RASAL2: variants seen among roughly 807,000 people sequenced by gnomAD.
The protein encoded by RASAL2 is ras GTPase-activating protein nGAP.
A neutral mutation model predicts 128.9 loss-of-function variants in RASAL2; 58 were observed. That is an observed-to-expected ratio of 0.45 (90% CI 0.36 to 0.56). The LOEUF (loss-of-function observed/expected upper bound fraction) is 0.56. RASAL2 is among the 20% of genes least tolerant of loss of function. The pLI is 0.00. For synonymous variants in RASAL2, 561 were observed against 580.8 expected (o/e 0.97, Z 0.49); for missense variants, 1,360 against 1,601.6 (o/e 0.85, Z 2.57).
chr1:178,340,435 C>T (rs1669811231), intron 3 of RASAL2, among the ~76,000 whole-genome samples: 1 of 151,756 alleles, frequency 6.6e-6, no homozygotes, highest in African/African-American at 2.4e-5. Context: ...GTTGACTTGC[C>T]TTTTTATTGG....
At chr1:178,242,238 T>G (rs1053053821) in intron 1 of RASAL2, among the ~76,000 whole-genome samples, 3 of 151,912 alleles carry the variant, frequency 2.0e-5, no homozygotes, top group African/African-American at 7.2e-5. Flanking sequence ...GTGTTCTAAT[T>G]ATTGCTTCAA....
chr1:178,310,261 TAAATC>T (rs1450699938), intron 3 of RASAL2, among the ~76,000 whole-genome samples: 1 of 152,168 alleles, frequency 6.6e-6, no homozygotes, highest in African/African-American at 2.4e-5. Flanking sequence ...TTACCTAAAA[TAAATC>T]AATTGCAGTA....
intron 1 of RASAL2, among the ~76,000 whole-genome samples, chr1:178,275,969 C>T (rs1182716621): frequency 6.6e-6 from 1 of 152,142 alleles, no homozygotes; most frequent in African/African-American, 2.4e-5. Flanking sequence ...GTTGTGGTCT[C>T]ATAGTAAATT....
Position 178,260,209 on chromosome 1 carries a change from C to T in RASAL2, c.203-23355C>T, listed in dbSNP as rs552545285. The stretch of plus-strand genomic sequence containing the variant: ...CTACTAAAAATACAAAAAAATTAGC[C>T]GGGCGTGGTGGCTGGCGCCTGTAAT... On this transcript the variant is annotated intron_variant, in intron 1 of 17. Transcript: ENST00000367649. Among the ~76,000 whole-genome samples the T allele has an allele frequency of 6.0e-5, 9 of 149,458 alleles. No homozygotes were observed. In the South Asian group the frequency reaches 8.6e-4, roughly 14 times the overall value.
At chr1:178,321,593 C>G (rs1668784365) in intron 3 of RASAL2, among the ~76,000 whole-genome samples, 1 of 151,900 alleles carries the variant, frequency 6.6e-6, no homozygotes, top group Non-Finnish European at 1.5e-5. Flanking sequence ...CTCACTGCAG[C>G]CTTGACCTCC....
At chr1:178,111,370 A>C (rs377193288) in intron 1 of RASAL2, among the ~76,000 whole-genome samples, 1 of 152,268 alleles carries the variant, frequency 6.6e-6, no homozygotes, top group South Asian at 2.1e-4. Context: ...TGGCCTCCCA[A>C]AGTGCTAGGA....
At chr1:178,371,359 C>CACAAAT (rs1223747828) in intron 3 of RASAL2, among the ~76,000 whole-genome samples, 6 of 148,058 alleles carry the variant, frequency 4.1e-5, no homozygotes, top group African/African-American at 1.6e-4. Context: ...CACAAATACA[C>CACAAAT]ACACACACAC....
At chr1:178,161,309 A>G (rs1661285569) in intron 1 of RASAL2, among the ~76,000 whole-genome samples, 1 of 152,024 alleles carries the variant, frequency 6.6e-6, no homozygotes, top group African/African-American at 2.4e-5. Flanking sequence ...GCAACCACTA[A>G]TTTACTTTCT....
chr1:178,469,443 G>C (rs917276893), intron 17 of RASAL2, among the ~76,000 whole-genome samples: 3 of 152,170 alleles, frequency 2.0e-5, no homozygotes, highest in Admixed American at 1.3e-4. Flanking sequence ...AGGTGACTGG[G>C]TATAAAGCAG....
At chr1:178,402,312 G>A (rs1400936354) in intron 4 of RASAL2, among the ~76,000 whole-genome samples, 1 of 152,030 alleles carries the variant, frequency 6.6e-6, no homozygotes, top group Admixed American at 6.6e-5. Flanking sequence ...AGCTACTCGG[G>A]AGGATCACTT....
chr1:178,213,652 A>G (rs995088487), intron 1 of RASAL2, among the ~76,000 whole-genome samples: 6 of 151,488 alleles, frequency 4.0e-5, no homozygotes, highest in Non-Finnish European at 8.8e-5. Flanking sequence ...TTATTTATAT[A>G]TAATAAATTT....
At chr1:178,150,433 G>A (rs139069420) in intron 1 of RASAL2, among the ~76,000 whole-genome samples, 9,608 of 152,072 alleles carry the variant, frequency 0.063, 377 homozygotes, top group Middle Eastern at 0.092. Flanking sequence ...TGATCCACCC[G>A]CCTTGGCCTC....
intron 3 of RASAL2, among the ~76,000 whole-genome samples, chr1:178,355,851 C>T (rs1670776199): frequency 6.6e-6 from 1 of 152,178 alleles, no homozygotes; most frequent in South Asian, 2.1e-4. Context: ...AGGTGCTCAG[C>T]CTTATCAAGG....
chr1:178,164,502 T>TGTGC (rs1431329119), intron 1 of RASAL2, among the ~76,000 whole-genome samples: 1 of 145,268 alleles, frequency 6.9e-6, no homozygotes, highest in African/African-American at 2.6e-5. Flanking sequence ...TGTGTGTGTG[T>TGTGC]GTGCGTGTGT....
chr1:178,274,551 A>G (rs899280151), intron 1 of RASAL2, among the ~76,000 whole-genome samples: 2 of 152,154 alleles, frequency 1.3e-5, no homozygotes, highest in Non-Finnish European at 2.9e-5. Context: ...TACTATGGTC[A>G]TATTTTAAGT....
At chr1:178,422,146 T>A (rs1021446840) in intron 5 of RASAL2, among the ~76,000 whole-genome samples, 2 of 151,888 alleles carry the variant, frequency 1.3e-5, no homozygotes, top group Non-Finnish European at 2.9e-5. Context: ...AAGTTTACAT[T>A]ATTTTTTAAC....
intron 1 of RASAL2, among the ~76,000 whole-genome samples, chr1:178,109,560 T>G (rs940083830): frequency 1.3e-5 from 2 of 152,146 alleles, no homozygotes; most frequent in South Asian, 4.2e-4. Context: ...ACTCAGAAAC[T>G]TAAAGTATGA....
intron 1 of RASAL2, among the ~76,000 whole-genome samples, chr1:178,140,524 A>C (rs1353070495): frequency 2.6e-5 from 4 of 152,178 alleles, no homozygotes; most frequent in Non-Finnish European, 5.9e-5. Context: ...AGATATGTTT[A>C]CTGTCTCTAT....
intron 1 of RASAL2, among the ~76,000 whole-genome samples, chr1:178,208,735 C>T (rs1207055744): frequency 1.3e-5 from 2 of 152,092 alleles, no homozygotes; most frequent in African/African-American, 4.8e-5. Flanking sequence ...GATCTTTGTA[C>T]CTACTCTCTG....
Sources: gnomAD v4.1 joint callset for allele counts (sites outside exome capture counted in the v4.1 genomes callset) on GRCh38, gnomAD v4.1.1 for gene constraint, MANE v1.5 for transcripts, NCBI Gene and HGNC (gene_info 2026-07-23, HGNC 2026-07-21) for gene names.